SLC35F4: variants seen among roughly 807,000 people sequenced by gnomAD.
The protein encoded by SLC35F4 is chromosome 14 open reading frame 36.
Under a neutral mutation model 44.2 loss-of-function variants are expected in SLC35F4, and 24 were observed. The ratio of observed to expected loss-of-function variants is 0.54; its 90% CI spans 0.39 to 0.76. SLC35F4 has a LOEUF of 0.76. Among genes scored for constraint, SLC35F4 ranks in the 30% least tolerant of loss-of-function variants. The probability of loss-of-function intolerance (pLI) is 0.00; values close to 1 mark genes in which losing one functional copy is unlikely to be tolerated. For missense variants in SLC35F4, 562 were observed against 586.1 expected (o/e 0.96, Z 0.42); for synonymous variants, 238 against 223.6 (o/e 1.06, Z -0.57).
intron 4 of SLC35F4, among the ~76,000 whole-genome samples, chr14:57,574,304 C>T (rs2068667644): frequency 1.3e-5 from 2 of 152,154 alleles, no homozygotes; most frequent in African/African-American, 2.4e-5. Context: ...TCTTAAAGAT[C>T]TTCATTACTC....
chr14:57,686,000 A>G (rs2075055528), intron 1 of SLC35F4, among the ~76,000 whole-genome samples: 1 of 152,174 alleles, frequency 6.6e-6, no homozygotes, highest in Non-Finnish European at 1.5e-5. Context: ...AACAAAGTAC[A>G]TGATCTTCAA....
intron 1 of SLC35F4, among the ~76,000 whole-genome samples, chr14:57,755,611 T>C (rs906473556): frequency 2.6e-5 from 4 of 152,202 alleles, no homozygotes; most frequent in Admixed American, 1.3e-4. Flanking sequence ...ATTTTAATTA[T>C]GCATTATAAA....
At chr14:57,587,029 C>G (rs1355601416) in intron 3 of SLC35F4, among the ~76,000 whole-genome samples, 1 of 151,680 alleles carries the variant, frequency 6.6e-6, no homozygotes, top group Non-Finnish European at 1.5e-5. Flanking sequence ...AAAAGCTCAT[C>G]ATCACTGGTC....
At chr14:57,736,806 G>A (rs1007614325) in intron 1 of SLC35F4, among the ~76,000 whole-genome samples, 4 of 152,188 alleles carry the variant, frequency 2.6e-5, no homozygotes, top group African/African-American at 9.7e-5. Flanking sequence ...CTGCTAACCA[G>A]TGAGGCATTT....
intron 1 of SLC35F4, among the ~76,000 whole-genome samples, chr14:57,863,025 T>TAA (rs201597228): frequency 6.8e-6 from 1 of 146,878 alleles, no homozygotes; most frequent in African/African-American, 2.7e-5. Context: ...ATCATCTTTT[T>TAA]TAAAAAAAAT....
chr14:57,736,164 G>A (rs1008867747), intron 1 of SLC35F4, among the ~76,000 whole-genome samples: 2 of 152,156 alleles, frequency 1.3e-5, no homozygotes, highest in Non-Finnish European at 2.9e-5. Flanking sequence ...AACTAAGCTT[G>A]TCCTGTCTAA....
intron 1 of SLC35F4, among the ~76,000 whole-genome samples, chr14:57,850,275 G>T (rs1886438233): frequency 6.6e-6 from 1 of 152,180 alleles, no homozygotes; most frequent in Non-Finnish European, 1.5e-5. Context: ...ACATTAATAT[G>T]ACTTGCTGCC....
intron 1 of SLC35F4, among the ~76,000 whole-genome samples, chr14:57,834,680 T>C (rs908178804): frequency 1.3e-5 from 2 of 152,192 alleles, no homozygotes; most frequent in African/African-American, 2.4e-5. Flanking sequence ...TATTTTTAGA[T>C]CAAATCCTTC....
At chr14:57,886,517 T>C (rs1459939654) in intron 1 of SLC35F4, among the ~76,000 whole-genome samples, 2 of 152,174 alleles carry the variant, frequency 1.3e-5, no homozygotes, top group East Asian at 3.8e-4. Context: ...TAAAATCATA[T>C]CCCTATTCTT....
chr14:57,814,359 A>G (rs1882329772), intron 1 of SLC35F4, among the ~76,000 whole-genome samples: 1 of 152,212 alleles, frequency 6.6e-6, no homozygotes, highest in African/African-American at 2.4e-5. Context: ...AGTTTAAGGA[A>G]GAACAGGAAA....
At chr14:57,869,302 C>T (rs1225466623), upstream of SLC35F4, among the ~76,000 whole-genome samples, 1 of 151,318 alleles carries the variant, frequency 6.6e-6, no homozygotes, top group African/African-American at 2.4e-5. Flanking sequence ...CAAGTAATAA[C>T]ATTAAAACTA....
At chr14:57,964,701 T>C (rs894055343) in intron 1 of SLC35F4, among the ~76,000 whole-genome samples, 16 of 152,030 alleles carry the variant, frequency 1.1e-4, no homozygotes, top group African/African-American at 3.6e-4. Context: ...AAACACTGCA[T>C]TGGTGCATGT....
chr14:57,621,104 TTACA>T (rs2072153902), intron 1 of SLC35F4, among the ~76,000 whole-genome samples: 1 of 151,572 alleles, frequency 6.6e-6, no homozygotes, highest in Non-Finnish European at 1.5e-5. Context: ...GGAATCCACC[TTACA>T]AGGGATGTGA....
At chr14:57,588,177 G>A (rs1408828894) in intron 3 of SLC35F4, among the ~76,000 whole-genome samples, 1 of 152,148 alleles carries the variant, frequency 6.6e-6, no homozygotes, top group Non-Finnish European at 1.5e-5. Flanking sequence ...AAATGGAAAT[G>A]GAATTTGAAG....
intron 1 of SLC35F4, among the ~76,000 whole-genome samples, chr14:57,825,031 C>A (rs1883580581): frequency 1.3e-5 from 2 of 151,932 alleles, no homozygotes; most frequent in South Asian, 4.1e-4. Flanking sequence ...AAGACTTGAA[C>A]CAGAATGAGG....
intron 1 of SLC35F4, among the ~76,000 whole-genome samples, chr14:57,968,009 C>T (rs1880934410): frequency 1.3e-5 from 2 of 152,108 alleles, no homozygotes; most frequent in Admixed American, 6.5e-5. Flanking sequence ...AGGCAAAGGG[C>T]TTTAATAAAG....
intron 1 of SLC35F4, among the ~76,000 whole-genome samples, chr14:57,700,561 A>T (rs2075508502): frequency 2.0e-5 from 3 of 152,080 alleles, no homozygotes; most frequent in African/African-American, 7.2e-5. Context: ...AAAATTTTTG[A>T]CTCTTTTATA....
chr14:57,646,493 G>T (rs150180362), intron 1 of SLC35F4, among the ~76,000 whole-genome samples: 1 of 151,962 alleles, frequency 6.6e-6, no homozygotes, highest in African/African-American at 2.4e-5. Flanking sequence ...TTTTTATTGC[G>T]TCTATTTGAT....
At chr14:57,797,961 T>C (rs1032472845) in intron 1 of SLC35F4, among the ~76,000 whole-genome samples, 3 of 151,824 alleles carry the variant, frequency 2.0e-5, no homozygotes, top group African/African-American at 7.3e-5. Context: ...GTTGCTCTCC[T>C]AACCTCCTGC....
Sources: allele counts gnomAD v4.1 joint callset (sites outside exome capture counted in the v4.1 genomes callset), GRCh38; gene constraint gnomAD v4.1.1; transcripts MANE v1.5; gene names NCBI Gene and HGNC (gene_info 2026-07-23, HGNC 2026-07-21).